Variants in COPS4 observed in about 807,000 individuals in gnomAD.
COPS4 encodes the protein COP9 signalosome subunit 4.
A neutral mutation model predicts 55.1 loss-of-function variants in COPS4; 8 were observed. The observed-to-expected ratio is 0.15, with a 90% CI of 0.09 to 0.26. The LOEUF is 0.26. COPS4 is among the 10% of genes least tolerant of loss of function. The pLI is 1.00. For missense variants in COPS4, 248 were observed against 484.0 expected, an observed-to-expected ratio of 0.51 and a Z score of 4.58; for synonymous variants, 185 against 165.7, an observed-to-expected ratio of 1.12 and a Z score of -0.90.
rs11945022 is a variant in COPS4 at position 83,071,128 on chromosome 4, T to C, written c.1087+2606T>C. 5.9e-3 allele frequency among the ~76,000 whole-genome samples: 893 copies of C among 152,332 alleles called. 7 individuals are homozygous for C. The highest frequency in any genetic ancestry group is 0.02 in the African/African-American group (834 of 41,572). On this transcript the variant is annotated intron_variant, in intron 9 of 9. Transcript: ENST00000264389. Reference sequence around the variant, plus strand: ...AGCCTGAATTTCTTCCTAGAATTTATTTTAGTTATTTTCAGTTGTGTAACT... The same window carrying C: ...AGCCTGAATTTCTTCCTAGAATTTACTTTAGTTATTTTCAGTTGTGTAACT...
chr4:83,070,851 T>C (rs993499444), intron 9 of COPS4, among the ~76,000 whole-genome samples: 4 of 152,236 alleles, frequency 2.6e-5, no homozygotes, highest in Admixed American at 2.6e-4. Context: ...GTCTTCCCCA[T>C]TGCTTGTAGA....
intron 2 of COPS4, 84 bp from the exon 3 acceptor site, chr4:83,049,078 TGTTA>T: frequency 1.6e-6 from 2 of 1,222,958 alleles, no homozygotes; most frequent in Non-Finnish European, 2.3e-6. Flanking sequence ...TATAGATTGT[TGTTA>T]GTATTAATTT....
At chr4:83,067,052 G>T (rs1455600639) in intron 8 of COPS4, among the ~76,000 whole-genome samples, 3 of 151,908 alleles carry the variant, frequency 2.0e-5, no homozygotes, top group Non-Finnish European at 4.4e-5. Flanking sequence ...GAAATTTTTT[G>T]TCTGTTTATT....
intron 1 of COPS4, among the ~76,000 whole-genome samples, chr4:83,041,453 G>A (rs1730566769): frequency 6.6e-6 from 1 of 151,960 alleles, no homozygotes; most frequent in South Asian, 2.1e-4. Context: ...CATATAAAAA[G>A]CTATTATTAT....
At chr4:83,040,086 A>G (rs193281101) in intron 1 of COPS4, among the ~76,000 whole-genome samples, 37 of 152,256 alleles carry the variant, frequency 2.4e-4, no homozygotes, top group African/African-American at 7.7e-4. Context: ...CTTCAGGCCT[A>G]CCTTCTAGTT....
chr4:83,035,672 A>T, intron 1 of COPS4: 1 of 183,908 alleles, frequency 5.4e-6, no homozygotes, highest in South Asian at 8.9e-5. Flanking sequence ...CTCTCTTTGG[A>T]CCTTCCTCCT....
chr4:83,063,445 G>C (rs1731217547), intron 7 of COPS4, among the ~76,000 whole-genome samples, 199 bp downstream of exon 7: 1 of 144,138 alleles, frequency 6.9e-6, no homozygotes, highest in East Asian at 2.2e-4. Context: ...TGTCACCCAG[G>C]CTGGAGTGCA....
chr4:83,052,355 A>G (rs975648094), intron 4 of COPS4, among the ~76,000 whole-genome samples: 1 of 152,156 alleles, frequency 6.6e-6, no homozygotes, highest in African/African-American at 2.4e-5. Flanking sequence ...TAGGCTTTAG[A>G]TAGGAATATG....
At chr4:83,049,595 G>A (rs1185037800) in intron 3 of COPS4, 2 of 463,244 alleles carry the variant, frequency 4.3e-6, no homozygotes, top group Non-Finnish European at 7.6e-6. Flanking sequence ...TGAAAACACA[G>A]GAAAACTCCA....
Position 83,075,661 on chromosome 4 carries a change from T to G in COPS4, c.*231T>G, listed in dbSNP as rs1041227199. ...CTAACTCAGATGTTTTGAAAGCTTT[T>G]TCTTTAAACAGAGGTGAAATATCTG... is the stretch of plus-strand genomic sequence containing the variant. On this transcript the variant is annotated 3_prime_UTR_variant, in exon 10 of 10. Coordinates refer to ENST00000264389, the MANE Select transcript of COPS4 (RefSeq NM_016129.3). 1.6e-5 allele frequency: 6 copies of G among 380,770 alleles called. No homozygotes were observed. Among genetic ancestry groups the G allele is most frequent in the African/African-American group, 1.2e-4 (6 of 48,372 alleles). 23.6% of individuals were successfully genotyped at this position (380,770 alleles called of 1,614,324 possible).
At chr4:83,039,106 G>A (rs554372462) in intron 1 of COPS4, among the ~76,000 whole-genome samples, 2 of 152,246 alleles carry the variant, frequency 1.3e-5, no homozygotes, top group South Asian at 2.1e-4. Context: ...TTATAATTCT[G>A]TAGGTTGGTA....
intron 4 of COPS4, among the ~76,000 whole-genome samples, chr4:83,054,169 C>T (rs368679889): frequency 3.0e-4 from 46 of 152,076 alleles, no homozygotes; most frequent in Middle Eastern, 3.4e-3. Context: ...GGTGAAACCA[C>T]GTCTCTACTA....
chr4:83,047,538 T>C (rs1362031611), intron 2 of COPS4, among the ~76,000 whole-genome samples: 1 of 150,736 alleles, frequency 6.6e-6, no homozygotes, highest in Non-Finnish European at 1.5e-5. Flanking sequence ...TGGGCAGCAG[T>C]AAGATTGTCT....
chr4:83,066,544 T>A lies in COPS4; in HGVS notation c.993T>A (p.Pro331=), dbSNP rs764038911. 1 of 1,525,730 alleles carries A rather than the reference T, an allele frequency of 6.6e-7. No individual in the cohort carries two copies. Among genetic ancestry groups the A allele is most frequent in the South Asian group, 1.2e-5 (1 of 82,066 alleles). 94.5% of individuals were successfully genotyped at this position (1,525,730 alleles called of 1,614,324 possible). A position where few individuals can be genotyped will look rare whatever the true frequency, so the allele number is the denominator to read the frequency against. Reference sequence around the variant, plus strand: ...AACTTGGAGCTCTTTTAGAGATCCCTGCAGCTAAGGTATCTTCTTGATTCC... The same window carrying A: ...AACTTGGAGCTCTTTTAGAGATCCCAGCAGCTAAGGTATCTTCTTGATTCC... The part of the protein sequence containing the change: ...FEELGALLEI[P]AAKAEKIASQ... The change falls in exon 8 of 10, where the codon CCT becomes CCA. Residue 331 remains proline (P), a synonymous_variant. Transcript: ENST00000264389.
intron 2 of COPS4, among the ~76,000 whole-genome samples, chr4:83,046,873 A>G (rs571688817): frequency 6.6e-6 from 1 of 152,318 alleles, no homozygotes; most frequent in African/African-American, 2.4e-5. Flanking sequence ...TTTCAAGGAC[A>G]TTTAGCTGGC....
At chr4:83,043,887 A>G (rs1328146944) in intron 1 of COPS4, among the ~76,000 whole-genome samples, 1 of 152,184 alleles carries the variant, frequency 6.6e-6, no homozygotes, top group Non-Finnish European at 1.5e-5. Flanking sequence ...TATCTTTTCT[A>G]TCCGTATATC....
At chr4:83,056,388 C>A (rs1405314757) in intron 4 of COPS4, among the ~76,000 whole-genome samples, 1 of 152,124 alleles carries the variant, frequency 6.6e-6, no homozygotes, top group Admixed American at 6.6e-5. Flanking sequence ...GGCAGTTGTT[C>A]TTTTAAGATC....
Position 83,043,139 on chromosome 4 carries a change from G to C in COPS4, c.75-2487G>C, listed in dbSNP as rs556960257. On this transcript the variant is annotated intron_variant, in intron 1 of 9. Coordinates refer to ENST00000264389, the MANE Select transcript of COPS4 (RefSeq NM_016129.3). The stretch of plus-strand genomic sequence containing the variant: ...TATAATTTGATGAGTATAAAACTTT[G>C]ATCACTTTTTAGGTTGGTTTATTTT... 4.6e-5 allele frequency among the ~76,000 whole-genome samples: 7 copies of C among 152,164 alleles called. No homozygotes were observed. The South Asian group carries it at 1.5e-3, about 32-fold the overall frequency.
At chr4:83,060,307 C>T (rs1213657334) in intron 6 of COPS4, among the ~76,000 whole-genome samples, 9 of 146,790 alleles carry the variant, frequency 6.1e-5, no homozygotes, top group African/African-American at 2.3e-4. Context: ...CCTCAGCCTC[C>T]GGAGTAGCTG....
Sources: allele counts gnomAD v4.1 joint callset (sites outside exome capture counted in the v4.1 genomes callset), GRCh38; gene constraint gnomAD v4.1.1; transcripts MANE v1.5; gene names NCBI Gene and HGNC (gene_info 2026-07-23, HGNC 2026-07-21).